The following URI1 variants were observed in gnomAD, a reference collection of about 807,000 sequenced individuals.
URI1 encodes the protein URI1 prefoldin like chaperone.
URI1 carries 39 observed loss-of-function variants against 60.2 expected under a neutral mutation model. The observed-to-expected ratio is 0.65, with a 90% CI of 0.50 to 0.85. The LOEUF (loss-of-function observed/expected upper bound fraction) is 0.85. Among genes scored for constraint, URI1 ranks in the 40% least tolerant of loss-of-function variants. URI1 has a pLI of 0.00. For missense variants in URI1, 691 were observed against 665.9 expected (o/e 1.04, Z -0.42); for synonymous variants, 251 against 236.8 (o/e 1.06, Z -0.55).
At chr19:29,941,205 C>T (rs1302441418), upstream of URI1, among the ~76,000 whole-genome samples, 1 of 152,126 alleles carries the variant, frequency 6.6e-6, no homozygotes, top group African/African-American at 2.4e-5. Context: ...CGAACACGAC[C>T]CATCTTTACT....
At chr19:29,977,624 A>G (rs1234710005) in intron 2 of URI1, among the ~76,000 whole-genome samples, 1 of 122,080 alleles carries the variant, frequency 8.2e-6, no homozygotes, top group Admixed American at 9.7e-5. Context: ...GAAATTTTGC[A>G]TGTTTTTGTT....
At chr19:29,997,922 GC>G (rs1200929600) in intron 4 of URI1, among the ~76,000 whole-genome samples, 1 of 151,916 alleles carries the variant, frequency 6.6e-6, no homozygotes, top group Non-Finnish European at 1.5e-5. Context: ...GGGCTACCAT[GC>G]CTGGCTAATT....
intron 4 of URI1, among the ~76,000 whole-genome samples, chr19:29,992,429 C>T (rs750535747): frequency 3.3e-5 from 5 of 152,166 alleles, no homozygotes; most frequent in African/African-American, 4.8e-5. Flanking sequence ...CTGATAATTT[C>T]AGTCTTTTAA....
chr19:29,977,916 A>G (rs145136939), intron 2 of URI1, among the ~76,000 whole-genome samples: 4 of 152,262 alleles, frequency 2.6e-5, no homozygotes, highest in Non-Finnish European at 5.9e-5. Context: ...TTAGTTATGG[A>G]AAAGTTGAAA....
In URI1 at chr19:30,016,485, T is replaced by G. The variant is rs1008848327; in HGVS notation, c.*1416T>G. 2 of 152,174 alleles carry G rather than the reference T, an allele frequency of 1.3e-5. No individual in the cohort carries two copies. The highest frequency in any genetic ancestry group is 2.9e-5 in the Non-Finnish European group (2 of 67,982). 9.4% of individuals were successfully genotyped at this position (152,174 alleles called of 1,614,324 possible). A position where few individuals can be genotyped will look rare whatever the true frequency, so the allele number is the denominator to read the frequency against. The stretch of plus-strand genomic sequence containing the variant: ...AAGATGCTCCCGTTAGGAATTGCTA[T>G]TCACATGAGGCTTTCTGTGCTAGAT... On this transcript the variant is annotated 3_prime_UTR_variant, in exon 11 of 11. Coordinates refer to ENST00000392271, the MANE Select transcript of URI1 (RefSeq NM_003796.3).
chr19:30,009,207 C>T lies in URI1; in HGVS notation c.889C>T (p.His297Tyr), dbSNP rs936653581. The T allele has an allele frequency of 1.3e-6, 2 of 1,588,838 alleles. No homozygotes were observed. Among genetic ancestry groups the T allele is most frequent in the Non-Finnish European group, 1.7e-6 (2 of 1,170,006 alleles). The change falls in exon 8 of 11, where the codon CAC (histidine) becomes TAC (tyrosine). Residue 297 changes from histidine (H) to tyrosine (Y), a missense_variant. Physicochemically the swap from His to Tyr is moderately conservative, Grantham distance 83. Coordinates refer to ENST00000392271, the MANE Select transcript of URI1 (RefSeq NM_003796.3). ...TTCAGTGAATGGTTCCAGTTCTTAC[C>T]ACAGTGATGATGATGATGATGATGA... ...NCSVNGSSSY[H>Y]SDDDDDDDDD...
intron 7 of URI1, among the ~76,000 whole-genome samples, chr19:30,008,298 G>C (rs928494444): frequency 6.6e-6 from 1 of 152,038 alleles, no homozygotes; most frequent in Admixed American, 6.5e-5. Flanking sequence ...GTGAAAAATA[G>C]GGCAGGAAGC....
Position 29,956,621 on chromosome 19 carries a change from G to C in URI1, c.117+13957G>C, listed in dbSNP as rs140060908. On this transcript the variant is annotated intron_variant, in intron 1 of 10. Transcript: ENST00000392271. Reference sequence around the variant, plus strand: ...ACACCTGGTCTCATCTGAACCCTGCGGATGTATTTTTCACCCAAGAAATTT... The same window carrying C: ...ACACCTGGTCTCATCTGAACCCTGCCGATGTATTTTTCACCCAAGAAATTT... 182 of 1,496,232 alleles carry C rather than the reference G, an allele frequency of 1.2e-4. 1 individual carries two copies. In the African/African-American group the frequency reaches 2.1e-3, roughly 17 times the overall value. The allele number at this position is 1,496,232 out of a possible 1,614,324, so 92.7% of individuals were successfully genotyped here.
intron 1 of URI1, chr19:29,923,888 A>G: frequency 2.2e-6 from 2 of 898,474 alleles, no homozygotes; most frequent in Non-Finnish European, 3.3e-6. Flanking sequence ...ATAGCTATAG[A>G]CCTGGAAGAG....
At chr19:29,982,603 T>C (rs2055612871) in intron 2 of URI1, among the ~76,000 whole-genome samples, 1 of 152,194 alleles carries the variant, frequency 6.6e-6, no homozygotes, top group South Asian at 2.1e-4. Context: ...GTGTTGACTG[T>C]CTAGGCACTG....
At chr19:29,949,936 G>C (rs1338568938) in intron 1 of URI1, among the ~76,000 whole-genome samples, 1 of 151,258 alleles carries the variant, frequency 6.6e-6, no homozygotes, top group African/African-American at 2.4e-5. Flanking sequence ...GGAGACGGGA[G>C]GGGGAGGGGG....
chr19:29,982,807 G>GA (rs892141173), intron 2 of URI1, among the ~76,000 whole-genome samples: 5 of 152,204 alleles, frequency 3.3e-5, no homozygotes, highest in African/African-American at 7.2e-5. Flanking sequence ...GATGCTTCAT[G>GA]AAAAAAATGA....
Position 29,949,380 on chromosome 19 carries a change from C to T in URI1, c.117+6716C>T, listed in dbSNP as rs1212145672. On this transcript the variant is annotated intron_variant, in intron 1 of 10. Coordinates refer to ENST00000392271, the MANE Select transcript of URI1 (RefSeq NM_003796.3). ...GGCTGGGCAGAGACGCTCCTCACTT[C>T]CTAGACGGGATGGCGGCCGGGAAGA... 2.0e-5 allele frequency among the ~76,000 whole-genome samples: 3 copies of T among 151,928 alleles called. No homozygotes were observed. In the East Asian group the frequency reaches 5.8e-4, roughly 30 times the overall value.
rs2056035472 is a variant in URI1 at position 30,012,511 on chromosome 19, C to A, written c.1405C>A (p.Pro469Thr). ...ACAAGAAAATCAAAAGAAACTTTTG[C>A]CCTTATCAGTAACACCTGAGGTGTG... Reference protein sequence around the residue: ...EPQENQKKLLPLSVTPEAFSG... With the variant: ...EPQENQKKLLTLSVTPEAFSG... Residue 469 changes from proline (P) to threonine (T), a missense_variant, in exon 10 of 11, where the codon CCC becomes ACC. Transcript: ENST00000392271. The A allele has an allele frequency of 1.2e-6, 2 of 1,614,118 alleles. No homozygotes were observed. Among genetic ancestry groups the A allele is most frequent in the African/African-American group, 1.3e-5 (1 of 75,034 alleles).
At chr19:30,014,230 T>A (rs2056058067) in intron 10 of URI1, 1 of 152,178 alleles carries the variant, frequency 6.6e-6, no homozygotes, top group Non-Finnish European at 1.5e-5. Context: ...CAGGTGAAAT[T>A]GAGTCATTTC....
At position 29,942,597 on chromosome 19, in the gene URI1, C is replaced by T. The variant is rs773692912; in HGVS notation, c.50C>T (p.Ala17Val). The T allele has an allele frequency of 1.6e-5, 23 of 1,446,014 alleles. No individual in the cohort carries two copies. Among genetic ancestry groups the T allele is most frequent in the Non-Finnish European group, 2.1e-5 (23 of 1,103,084 alleles). 89.6% of individuals were successfully genotyped at this position (1,446,014 alleles called of 1,614,324 possible). A position where few individuals can be genotyped will look rare whatever the true frequency, so the allele number is the denominator to read the frequency against. The change falls in exon 1 of 11, where the codon GCC (alanine) becomes GTC (valine). Residue 17 changes from alanine to valine, a missense_variant. Coordinates refer to ENST00000392271, the MANE Select transcript of URI1 (RefSeq NM_003796.3). Reference protein sequence around the residue: ...ETPPDPSPPSAPAPALVPLRA... With the variant: ...ETPPDPSPPSVPAPALVPLRA... ...CCCCCCGACCCCTCGCCCCCTTCGG[C>T]CCCGGCCCCTGCCCTGGTTCCGTTG...
At chr19:29,975,240 T>C (rs2055505890) in intron 2 of URI1, among the ~76,000 whole-genome samples, 1 of 152,180 alleles carries the variant, frequency 6.6e-6, no homozygotes, top group Admixed American at 6.5e-5. Flanking sequence ...TCTGTTCTTT[T>C]TTGACTTTTT....
rs1402454031 is a variant in URI1 at position 30,011,179 on chromosome 19, G to T, written c.1121G>T (p.Gly374Val). 3 of 1,612,160 alleles carry T rather than the reference G, an allele frequency of 1.9e-6. No individual in the cohort carries two copies. Among genetic ancestry groups the T allele is most frequent in the Non-Finnish European group, 2.5e-6 (3 of 1,179,364 alleles). Residue 374 changes from glycine to valine, a missense_variant, in exon 9 of 11, where the codon GGC becomes GTC. By Grantham distance (109) the Gly-to-Val change is moderately radical. Transcript: ENST00000392271. The part of the protein sequence containing the change: ...EAKRKRKNST[G>V]SGHSAQELPT... ...AAACGTAAACGAAAGAACAGCACTG[G>T]CAGTGGCCACTCTGCCCAGGAGCTG...
intron 1 of URI1, among the ~76,000 whole-genome samples, chr19:29,949,851 A>G (rs145202089): frequency 2.0e-5 from 3 of 150,590 alleles, no homozygotes; most frequent in African/African-American, 4.9e-5. Context: ...GTGAGCCGAG[A>G]TGGCGGCAGT....
Sources: gnomAD v4.1 joint callset for allele counts (sites outside exome capture counted in the v4.1 genomes callset) on GRCh38, gnomAD v4.1.1 for gene constraint, MANE v1.5 for transcripts, NCBI Gene and HGNC (gene_info 2026-07-23, HGNC 2026-07-21) for gene names.